The following PTER variants were observed in gnomAD, a reference collection of about 807,000 sequenced individuals.
PTER encodes phosphotriesterase related.
In PTER, 38 loss-of-function variants were observed where a neutral mutation model predicts 29.6. The ratio of observed to expected loss-of-function variants is 1.28; its 90% CI spans 0.99 to 1.68. The LOEUF is 1.68. Ranked by LOEUF, PTER falls within the 40% of genes most tolerant of loss-of-function variation. PTER has a pLI of 0.00. For missense variants in PTER, 482 were observed against 427.8 expected (o/e 1.13, Z -1.12); for synonymous variants, 172 against 154.5 (o/e 1.11, Z -0.84).
chr10:16,514,791 G>T, downstream of PTER: 2 of 984,912 alleles, frequency 2.0e-6, no homozygotes, highest in Non-Finnish European at 3.0e-6. Context: ...ATCACAAGCT[G>T]ACTTGCTGCC....
At chr10:16,445,469 A>G (rs1010707269) in intron 1 of PTER, among the ~76,000 whole-genome samples, 12 of 152,208 alleles carry the variant, frequency 7.9e-5, no homozygotes, top group Non-Finnish European at 1.6e-4. Context: ...TAGCTGGAAG[A>G]GTATCTTTCC....
chr10:16,486,321 A>C, intron 2 of PTER, 31 bp from the exon 3 acceptor site: 3 of 1,577,162 alleles, frequency 1.9e-6, no homozygotes, highest in Non-Finnish European at 2.6e-6. Context: ...TTCACAACCT[A>C]TAAAATATAT....
At chr10:16,515,850 G>A (rs1026611896), downstream of PTER, among the ~76,000 whole-genome samples, 12 of 152,112 alleles carry the variant, frequency 7.9e-5, no homozygotes, top group Non-Finnish European at 1.5e-5. Context: ...CATAGCAAGT[G>A]ATTTAGTGGT....
At chr10:16,457,042 T>C (rs1249630337) in intron 1 of PTER, among the ~76,000 whole-genome samples, 1 of 152,100 alleles carries the variant, frequency 6.6e-6, no homozygotes, top group East Asian at 1.9e-4. Flanking sequence ...TTTAAATAAA[T>C]TACCCAGTCT....
chr10:16,483,965 T>G (rs1385607539), intron 1 of PTER, among the ~76,000 whole-genome samples: 2 of 152,224 alleles, frequency 1.3e-5, no homozygotes, highest in African/African-American at 2.4e-5. Context: ...TTATTGATTC[T>G]GAATACTTTT....
chr10:16,447,657 A>T (rs888358160), intron 1 of PTER, among the ~76,000 whole-genome samples: 1 of 152,248 alleles, frequency 6.6e-6, no homozygotes, highest in Non-Finnish European at 1.5e-5. Flanking sequence ...AAAGCTTTGT[A>T]AGTGGCTATA....
chr10:16,506,824 G>C (rs1836588689), intron 4 of PTER, among the ~76,000 whole-genome samples: 1 of 151,790 alleles, frequency 6.6e-6, no homozygotes, highest in Non-Finnish European at 1.5e-5. Context: ...GCTAGGAATG[G>C]CTGTCAGGTC....
At chr10:16,500,330 G>C (rs1836286140) in intron 3 of PTER, among the ~76,000 whole-genome samples, 1 of 151,958 alleles carries the variant, frequency 6.6e-6, no homozygotes, top group Non-Finnish European at 1.5e-5. Flanking sequence ...GCTCGCTGCA[G>C]CCTCAAACTC....
At position 16,485,408 on chromosome 10, in the gene PTER, C is replaced by T. The variant is rs578089156; in HGVS notation, c.432+592C>T. On this transcript the variant is annotated intron_variant, in intron 2 of 4. Transcript: ENST00000535784. Reference sequence around the variant, plus strand: ...GTTTAGGGACAAAAAGAATAAGGTGCAAAACCTTTTTTGCACGTGTATGTG... The same window carrying T: ...GTTTAGGGACAAAAAGAATAAGGTGTAAAACCTTTTTTGCACGTGTATGTG... Among the ~76,000 whole-genome samples, 4 of 152,194 alleles carry T rather than the reference C, an allele frequency of 2.6e-5. No individual in the cohort carries two copies. The South Asian group carries it at 8.3e-4, about 32-fold the overall frequency.
At chr10:16,447,204 G>T (rs552565674) in intron 1 of PTER, among the ~76,000 whole-genome samples, 1 of 148,962 alleles carries the variant, frequency 6.7e-6, no homozygotes, top group Non-Finnish European at 1.5e-5. Context: ...GGGCTCAAGC[G>T]ATCCTCCCAC....
chr10:16,470,514 T>A (rs1835006984), intron 1 of PTER, among the ~76,000 whole-genome samples: 1 of 152,246 alleles, frequency 6.6e-6, no homozygotes, highest in African/African-American at 2.4e-5. Context: ...ACGCCTGTAA[T>A]CCCAGCACTT....
Position 16,484,630 on chromosome 10 carries a change from A to G in PTER, c.246A>G (p.Glu82=). 1.9e-6 allele frequency: 3 copies of G among 1,614,212 alleles called. No homozygotes were observed. Among genetic ancestry groups the G allele is most frequent in the Non-Finnish European group, 2.5e-6 (3 of 1,180,020 alleles). ...QLNQETEAIK[E]ELLYFKANGG... is the part of the protein sequence containing the mutation. ...ATCAGGAGACAGAAGCCATAAAGGAAGAACTGTTGTATTTTAAAGCTAATG... is the reference window on the plus strand; with the variant it reads ...ATCAGGAGACAGAAGCCATAAAGGAGGAACTGTTGTATTTTAAAGCTAATG... Residue 82 remains glutamate, a synonymous_variant, in exon 2 of 5, where the codon GAA becomes GAG. Transcript: ENST00000535784.
chr10:16,455,831 G>A (rs1834374340), intron 1 of PTER, among the ~76,000 whole-genome samples: 1 of 152,232 alleles, frequency 6.6e-6, no homozygotes, highest in South Asian at 2.1e-4. Context: ...AGCTAATTTT[G>A]TGTTTGTAAT....
intron 1 of PTER, among the ~76,000 whole-genome samples, chr10:16,463,626 G>C (rs1834704719): frequency 6.6e-6 from 1 of 151,650 alleles, no homozygotes; most frequent in African/African-American, 2.4e-5. Flanking sequence ...GTGTTGGCCA[G>C]GCTGGTCTCG....
At chr10:16,496,664 T>C (rs951226857) in intron 3 of PTER, among the ~76,000 whole-genome samples, 1 of 152,226 alleles carries the variant, frequency 6.6e-6, no homozygotes, top group Non-Finnish European at 1.5e-5. Flanking sequence ...GTAAATTCTG[T>C]ATAGCAAGTA....
chr10:16,457,797 A>T (rs1199315411), intron 1 of PTER, among the ~76,000 whole-genome samples: 3 of 151,564 alleles, frequency 2.0e-5, no homozygotes, highest in Non-Finnish European at 4.4e-5. Context: ...TTTAGTAGAG[A>T]CGGGATTTCA....
chr10:16,463,124 C>A (rs192064015), intron 1 of PTER, among the ~76,000 whole-genome samples: 8 of 144,326 alleles, frequency 5.5e-5, no homozygotes, highest in Admixed American at 1.5e-4. Flanking sequence ...ACCCGGGAGG[C>A]GGAGGTTGCA....
intron 1 of PTER, among the ~76,000 whole-genome samples, chr10:16,445,143 G>C (rs1833972149): frequency 6.6e-6 from 1 of 152,224 alleles, no homozygotes; most frequent in Non-Finnish European, 1.5e-5. Context: ...ATGGCCTCCT[G>C]TGAGGCAAAA....
chr10:16,490,306 G>A (rs564267000), intron 3 of PTER, among the ~76,000 whole-genome samples: 1 of 152,220 alleles, frequency 6.6e-6, no homozygotes, highest in African/African-American at 2.4e-5. Flanking sequence ...CCATTGTAAA[G>A]TCCAAAAAGC....
Sources: allele counts gnomAD v4.1 joint callset (sites outside exome capture counted in the v4.1 genomes callset), GRCh38; gene constraint gnomAD v4.1.1; transcripts MANE v1.5; gene names NCBI Gene and HGNC (gene_info 2026-07-23, HGNC 2026-07-21).